PCDHGB4: variants seen among roughly 807,000 people sequenced by gnomAD.
PCDHGB4 encodes the protein protocadherin gamma subfamily B, 4.
In PCDHGB4, 38 loss-of-function variants were observed where a neutral mutation model predicts 60.5. The ratio of observed to expected loss-of-function variants is 0.63; its 90% CI spans 0.48 to 0.82. PCDHGB4 has a LOEUF of 0.82. Ranked by LOEUF, PCDHGB4 falls within the 40% of genes least tolerant of loss-of-function variation. PCDHGB4 has a pLI of 0.00. For missense variants in PCDHGB4, 1,109 were observed against 1,209.6 expected, an observed-to-expected ratio of 0.92 and a Z score of 1.23; for synonymous variants, 456 against 509.7, an observed-to-expected ratio of 0.89 and a Z score of 1.42.
intron 1 of PCDHGB4, chr5:141,392,647 C>A: frequency 1.5e-6 from 1 of 685,816 alleles, no homozygotes; most frequent in Non-Finnish European, 2.3e-6. Flanking sequence ...CTCACGAAGA[C>A]CCGCAGATGC....
intron 1 of PCDHGB4, chr5:141,398,694 T>A: frequency 6.2e-7 from 1 of 1,613,868 alleles, no homozygotes; most frequent in Non-Finnish European, 8.5e-7. Context: ...AGGATGGTAG[T>A]AAATACCCGG....
rs779686795 is a variant in PCDHGB4 at position 141,476,566 on chromosome 5, G to C, written c.2398-18241G>C. The stretch of plus-strand genomic sequence containing the variant: ...TGGAGATTAGCGAGGCCGTGGCTCC[G>C]GGGACGCGCTTTCCGCTCGAGAGCG... On this transcript the variant is annotated intron_variant, in intron 1 of 3. Transcript: ENST00000519479. This position sits in a 1 kb window ranked among gnomAD's most constrained non-coding sequence, Gnocchi z 7.6. 1.2e-6 allele frequency: 2 copies of C among 1,614,180 alleles called. No homozygotes were observed. The highest frequency in any genetic ancestry group is 1.7e-5 in the Admixed American group (1 of 60,030).
intron 1 of PCDHGB4, chr5:141,390,882 G>C (rs892294372): frequency 6.5e-6 from 1 of 152,824 alleles, no homozygotes; most frequent in Admixed American, 6.5e-5. Flanking sequence ...GTGTGTGTGT[G>C]TGTGTGAGAG....
Position 141,490,351 on chromosome 5 carries a change from T to C in PCDHGB4, c.2398-4456T>C. Reference sequence around the variant, plus strand: ...CACACCAGTGGGCACAGTAGTGGGGTTGTTTAATGTGCGAGACCGGGACTC... The same window carrying C: ...CACACCAGTGGGCACAGTAGTGGGGCTGTTTAATGTGCGAGACCGGGACTC... On this transcript the variant is annotated intron_variant, in intron 1 of 3. Transcript: ENST00000519479. The surrounding 1 kb of genome is among the most constrained non-coding windows in gnomAD (Gnocchi z 5.4). 6.2e-7 allele frequency: 1 copy of C among 1,614,028 alleles called. No individual in the cohort carries two copies. The highest frequency in any genetic ancestry group is 1.3e-5 in the African/African-American group (1 of 74,976).
At chr5:141,467,604 CT>C (rs2099147202) in intron 1 of PCDHGB4, among the ~76,000 whole-genome samples, 1 of 152,204 alleles carries the variant, frequency 6.6e-6, no homozygotes, top group Non-Finnish European at 1.5e-5. Context: ...AGCACTTCAT[CT>C]TTGTCCCAGT....
chr5:141,418,649 G>A (rs760169796), intron 1 of PCDHGB4: 3 of 1,613,926 alleles, frequency 1.9e-6, no homozygotes, highest in Non-Finnish European at 2.5e-6. Flanking sequence ...CATCCTGAGA[G>A]TGAAGGCCAC....
chr5:141,487,258 G>A lies in PCDHGB4; in HGVS notation c.2398-7549G>A, dbSNP rs368598017. The A allele has an allele frequency of 3.7e-6, 6 of 1,614,026 alleles. No homozygotes were observed. Among genetic ancestry groups the A allele is most frequent in the Non-Finnish European group, 4.2e-6 (5 of 1,180,030 alleles). On this transcript the variant is annotated intron_variant, in intron 1 of 3. Transcript: ENST00000519479. The surrounding 1 kb of genome is among the most constrained non-coding windows in gnomAD (Gnocchi z 5.0). ...CTCGTCTAACCCTCTACTTGGCTGT[G>A]TCCCTAGTGGCAATTTGCTTTGTCT...
chr5:141,455,495 G>C (rs2098824459), intron 1 of PCDHGB4, among the ~76,000 whole-genome samples: 1 of 152,204 alleles, frequency 6.6e-6, no homozygotes, highest in East Asian at 1.9e-4. Flanking sequence ...GGTGATGTCT[G>C]ATTTGCATAG....
chr5:141,434,026 A>G (rs2154556044), intron 1 of PCDHGB4, among the ~76,000 whole-genome samples: 1 of 152,236 alleles, frequency 6.6e-6, no homozygotes, highest in Admixed American at 6.5e-5. Flanking sequence ...TGATTCTGGA[A>G]GCATGGTTTT....
At chr5:141,415,422 G>A (rs769839324) in intron 1 of PCDHGB4, 3 of 1,614,204 alleles carry the variant, frequency 1.9e-6, no homozygotes, top group East Asian at 2.2e-5. Context: ...GCGTGGACGG[G>A]GTTCGGGCTT....
At chr5:141,492,587 C>G (rs2154587748) in intron 1 of PCDHGB4, among the ~76,000 whole-genome samples, 1 of 152,314 alleles carries the variant, frequency 6.6e-6, no homozygotes, top group African/African-American at 2.4e-5. Flanking sequence ...GGGCCAGGAG[C>G]GCTGGAGCGA....
intron 1 of PCDHGB4, chr5:141,398,413 T>G (rs774602022): frequency 1.3e-6 from 2 of 1,490,692 alleles, no homozygotes; most frequent in South Asian, 1.1e-5. Context: ...GGAGGAGATA[T>G]GCGGGAAGAA....
intron 2 of PCDHGB4, among the ~76,000 whole-genome samples, chr5:141,500,212 ATT>A (rs1336187706): frequency 5.4e-5 from 8 of 148,798 alleles, no homozygotes; most frequent in African/African-American, 2.0e-4. Context: ...TTATTTATTT[ATT>A]TATTTATTTA....
chr5:141,437,628 T>C (rs2097897572), intron 1 of PCDHGB4, among the ~76,000 whole-genome samples: 1 of 152,212 alleles, frequency 6.6e-6, no homozygotes, highest in African/African-American at 2.4e-5. Context: ...CCATATAAGA[T>C]GTCAGGTTCA....
At chr5:141,469,893 A>G (rs2099214569) in intron 1 of PCDHGB4, among the ~76,000 whole-genome samples, 1 of 152,200 alleles carries the variant, frequency 6.6e-6, no homozygotes, top group South Asian at 2.1e-4. Context: ...CACTTTGGGA[A>G]GCCGAGGCAG....
Position 141,432,436 on chromosome 5 carries a change from G to A in PCDHGB4, c.2397+42155G>A, listed in dbSNP as rs753833603. On this transcript the variant is annotated intron_variant, in intron 1 of 3. Coordinates refer to ENST00000519479, the MANE Select transcript of PCDHGB4 (RefSeq NM_003736.4). The surrounding 1 kb of genome is among the most constrained non-coding windows in gnomAD (Gnocchi z 6.0). ...TCGTGCTGGACCAGAACGACAATGC[G>A]CCCGAGATCCTGTACCCCGCCCTCC... The A allele has an allele frequency of 4.3e-6, 7 of 1,614,196 alleles. No homozygotes were observed. The highest frequency in any genetic ancestry group is 1.1e-5 in the South Asian group (1 of 91,084).
Position 141,487,323 on chromosome 5 carries a change from G to T in PCDHGB4, c.2398-7484G>T. The T allele has an allele frequency of 6.2e-7, 1 of 1,614,100 alleles. No homozygotes were observed. The highest frequency in any genetic ancestry group is 8.5e-7 in the Non-Finnish European group (1 of 1,180,004). On this transcript the variant is annotated intron_variant, in intron 1 of 3. Coordinates refer to ENST00000519479, the MANE Select transcript of PCDHGB4 (RefSeq NM_003736.4). This position sits in a 1 kb window ranked among gnomAD's most constrained non-coding sequence, Gnocchi z 5.0. ...GTGGCACTACTCTCTAAGTGTCTTC[G>T]TGGGGCAGCCTGTGGAGTCACATGC... is the stretch of plus-strand genomic sequence containing the variant.
At chr5:141,410,216 C>T in intron 1 of PCDHGB4, 1 of 1,614,002 alleles carries the variant, frequency 6.2e-7, no homozygotes, top group Non-Finnish European at 8.5e-7. Flanking sequence ...GCAAGAGATA[C>T]TGCCAGACCT....
rs200646513 is a variant in PCDHGB4, at chr5:141,421,389, G to A, written c.2397+31108G>A. ...TGGGCAATATCTCCAAGGACCTGGG[G>A]CTGGAGCCCCGGGAGCTGGCGAAGC... On this transcript the variant is annotated intron_variant, in intron 1 of 3. Coordinates refer to ENST00000519479, the MANE Select transcript of PCDHGB4 (RefSeq NM_003736.4). The A allele has an allele frequency of 1.7e-3, 2,771 of 1,614,052 alleles. 5 individuals carry two copies. The highest frequency in any genetic ancestry group is 2.2e-3 in the Non-Finnish European group (2,560 of 1,179,918).
Sources: gnomAD v4.1 joint callset for allele counts (sites outside exome capture counted in the v4.1 genomes callset) on GRCh38, gnomAD v4.1.1 for gene constraint, Gnocchi (gnomAD v3.1) non-coding constraint, MANE v1.5 for transcripts, NCBI Gene and HGNC (gene_info 2026-07-23, HGNC 2026-07-21) for gene names.